The following ZNF763 variants were observed in gnomAD, a reference collection of about 807,000 sequenced individuals.
ZNF763 encodes DNA-binding protein.
Under a neutral mutation model 38.0 loss-of-function variants are expected in ZNF763, and 33 were observed. The observed-to-expected ratio is 0.87, with a 90% CI of 0.66 to 1.16. The LOEUF (loss-of-function observed/expected upper bound fraction) is 1.16. Ranked by LOEUF, ZNF763 falls within the 50% of genes most tolerant of loss-of-function variation. The pLI is 0.00. For synonymous variants in ZNF763, 155 were observed against 160.1 expected, an observed-to-expected ratio of 0.97 and a Z score of 0.24; for missense variants, 423 against 469.1, an observed-to-expected ratio of 0.90 and a Z score of 0.91.
chr19:11,974,492 G>C (rs1973441518), intron 1 of ZNF763, among the ~76,000 whole-genome samples: 2 of 151,466 alleles, frequency 1.3e-5, no homozygotes, highest in South Asian at 4.2e-4. Flanking sequence ...CACTGCCCCT[G>C]GCCTGTTTTA....
chr19:11,977,554 C>A, intron 3 of ZNF763, 123 bp downstream of exon 3: 1 of 1,269,960 alleles, frequency 7.9e-7, no homozygotes, highest in Non-Finnish European at 1.1e-6. Context: ...AGAATATTTT[C>A]TCAAAATCAT....
chr19:11,970,424 A>G (rs1400359607), intron 1 of ZNF763, among the ~76,000 whole-genome samples: 1 of 152,240 alleles, frequency 6.6e-6, no homozygotes, highest in Non-Finnish European at 1.5e-5. Context: ...CTGTTATAAC[A>G]ACGTTAAATC....
In ZNF763 at chr19:11,965,067, C is replaced by CGGTGGTT. The variant is rs1973195457; in HGVS notation, c.-140_-134dup. 1 of 1,061,092 alleles carries CGGTGGTT rather than the reference C, an allele frequency of 9.4e-7. No individual in the cohort carries two copies. Among genetic ancestry groups the CGGTGGTT allele is most frequent in the African/African-American group, 1.6e-5 (1 of 63,164 alleles). 65.7% of individuals were successfully genotyped at this position (1,061,092 alleles called of 1,614,324 possible). On this transcript the variant is annotated 5_prime_UTR_variant, in exon 1 of 4. Coordinates refer to ENST00000358987, the MANE Select transcript of ZNF763 (RefSeq NM_001367172.2). ...GTCCTCACCTTTGTCCTTGCGCAGC[C>CGGTGGTT]GGTGGTTGATATCCGCTGTATCCAT...
chr19:11,967,925 C>T (rs1025321856), intron 1 of ZNF763, among the ~76,000 whole-genome samples: 1 of 152,156 alleles, frequency 6.6e-6, no homozygotes, highest in East Asian at 1.9e-4. Flanking sequence ...TATCCTTTAC[C>T]TTTTAGCACA....
chr19:11,965,212 G>C lies in ZNF763; in HGVS notation c.3+1G>C. The C allele has an allele frequency of 6.2e-7, 1 of 1,614,124 alleles. No individual in the cohort carries two copies. The highest frequency in any genetic ancestry group is 8.5e-7 in the Non-Finnish European group (1 of 1,179,974). ...CAGGACATCTGAAAGCCAGGAAATG[G>C]TGCGTGTGCATAGCCGGTTGTCCCG... On this transcript the variant is annotated splice_donor_variant, in intron 1 of 3. Transcript: ENST00000358987. LOFTEE classifies it high-confidence loss of function.
At chr19:11,970,369 A>G (rs1182726115) in intron 1 of ZNF763, among the ~76,000 whole-genome samples, 2 of 152,204 alleles carry the variant, frequency 1.3e-5, no homozygotes, top group Non-Finnish European at 2.9e-5. Flanking sequence ...AACTGGGAGG[A>G]GGTGGAGAAC....
In ZNF763 at chr19:11,965,079, T is replaced by C; in HGVS notation, c.-130T>C. 8.2e-7 allele frequency: 1 copy of C among 1,221,578 alleles called. No homozygotes were observed. The highest frequency in any genetic ancestry group is 1.2e-6 in the Non-Finnish European group (1 of 838,716). The allele number at this position is 1,221,578 out of a possible 1,614,324, so 75.7% of individuals were successfully genotyped here. On this transcript the variant is annotated 5_prime_UTR_variant, in exon 1 of 4. Coordinates refer to ENST00000358987, the MANE Select transcript of ZNF763 (RefSeq NM_001367172.2). ...GTCCTTGCGCAGCCGGTGGTTGATATCCGCTGTATCCATCCCCGAGAGGGA... is the reference window on the plus strand; with the variant it reads ...GTCCTTGCGCAGCCGGTGGTTGATACCCGCTGTATCCATCCCCGAGAGGGA...
intron 1 of ZNF763, among the ~76,000 whole-genome samples, chr19:11,965,604 AATT>A (rs113108024): frequency 0.13 from 19,175 of 152,244 alleles, 2,228 homozygotes; most frequent in African/African-American, 0.31. Context: ...TCCTGTTAAA[AATT>A]AAACTGAAGT....
chr19:11,974,869 C>A (rs984273428), intron 1 of ZNF763, among the ~76,000 whole-genome samples: 1 of 152,162 alleles, frequency 6.6e-6, no homozygotes, highest in African/African-American at 2.4e-5. Context: ...TTGCAAGGTG[C>A]TGGGATTACA....
rs1973567258 is a variant in ZNF763 at position 11,979,190 on chromosome 19, A to G, written c.*81A>G. On this transcript the variant is annotated 3_prime_UTR_variant, in exon 4 of 4. Coordinates refer to ENST00000358987, the MANE Select transcript of ZNF763 (RefSeq NM_001367172.2). ...AAAACTCACACTGGAGAGAAACCCT[A>G]TAAATGCATGCCATGTGGTAAAGCC... 4 of 1,612,374 alleles carry G rather than the reference A, an allele frequency of 2.5e-6. No homozygotes were observed. The highest frequency in any genetic ancestry group is 2.7e-5 in the African/African-American group (2 of 74,828).
In ZNF763 at chr19:11,977,079, G is replaced by A. The variant is rs1170702819; in HGVS notation, c.45G>A (p.Gln15=). ...AGGATGTTGCTGTGAACTTCACCCA[G>A]GAGGAGTGGGCTTTGCTGGATATTT... ...ACEDVAVNFT[Q]EEWALLDISQ... The change falls in exon 2 of 4, where the codon CAG becomes CAA. Residue 15 remains glutamine (Q), a synonymous_variant. Transcript: ENST00000358987. The A allele has an allele frequency of 1.9e-6, 3 of 1,614,180 alleles. No homozygotes were observed. The highest frequency in any genetic ancestry group is 3.3e-4 in the Middle Eastern group (2 of 6,062).
chr19:11,971,934 G>A (rs572133873), intron 1 of ZNF763, among the ~76,000 whole-genome samples: 1 of 151,996 alleles, frequency 6.6e-6, no homozygotes, highest in African/African-American at 2.4e-5. Context: ...TGGTGGCAGA[G>A]GCCTGTAATC....
rs1197610307 is a variant in ZNF763, at chr19:11,979,450, AAGAC to A, written c.*342_*345del. 6.2e-7 allele frequency: 1 copy of A among 1,605,626 alleles called. No individual in the cohort carries two copies. Among genetic ancestry groups the A allele is most frequent in the Admixed American group, 1.7e-5 (1 of 59,496 alleles). On this transcript the variant is annotated 3_prime_UTR_variant, in exon 4 of 4. Transcript: ENST00000358987. ...CACACATAAGAATACACTCTGGAGA[AAGAC>A]CTTATAAATGTAAGACATGTGGGAA...
intron 1 of ZNF763, among the ~76,000 whole-genome samples, chr19:11,973,945 T>A (rs1973402522): frequency 6.6e-6 from 1 of 152,128 alleles, no homozygotes; most frequent in Non-Finnish European, 1.5e-5. Flanking sequence ...TCCATTCACA[T>A]CCATAGTGAA....
intron 1 of ZNF763, chr19:11,976,778 A>G: frequency 1.1e-6 from 1 of 898,248 alleles, no homozygotes; most frequent in East Asian, 4.6e-5. Context: ...AGGCAGGAGA[A>G]TCGCTTGAAC....
chr19:11,969,777 C>G (rs1973312073), intron 1 of ZNF763, among the ~76,000 whole-genome samples: 1 of 152,176 alleles, frequency 6.6e-6, no homozygotes, highest in African/African-American at 2.4e-5. Context: ...AGAGAATAAC[C>G]ACTAGACATT....
chr19:11,979,665 C>G lies in ZNF763; in HGVS notation c.*556C>G, dbSNP rs931929149. ...TGTGGGAAAGCCTTCAGATCTGCCT[C>G]AATCCTTCAAATGCATGCTGGGACT... On this transcript the variant is annotated 3_prime_UTR_variant, in exon 4 of 4. Coordinates refer to ENST00000358987, the MANE Select transcript of ZNF763 (RefSeq NM_001367172.2). 98 of 1,600,956 alleles carry G rather than the reference C, an allele frequency of 6.1e-5. No homozygotes were observed. Among genetic ancestry groups the G allele is most frequent in the Non-Finnish European group, 7.9e-5 (92 of 1,171,966 alleles).
chr19:11,974,117 CTTTCTTTCTTTT>C (rs1568308385), intron 1 of ZNF763, among the ~76,000 whole-genome samples: 1 of 79,636 alleles, frequency 1.3e-5, no homozygotes, highest in African/African-American at 5.0e-5. Context: ...TTCTTTCTTT[CTTTCTTTCTTTT>C]CTTTCTTTCT....
At chr19:11,977,520 C>A (rs548026317) in intron 3 of ZNF763, 89 bp downstream of exon 3, 1 of 1,465,424 alleles carries the variant, frequency 6.8e-7, no homozygotes, top group Non-Finnish European at 9.4e-7. Flanking sequence ...AGAACTAAGT[C>A]CAGTATCAAA....
Sources: gnomAD v4.1 joint callset for allele counts (sites outside exome capture counted in the v4.1 genomes callset) on GRCh38, gnomAD v4.1.1 for gene constraint, MANE v1.5 for transcripts, NCBI Gene and HGNC (gene_info 2026-07-23, HGNC 2026-07-21) for gene names.